The following KCNMB2 variants were observed in gnomAD, a reference collection of about 807,000 sequenced individuals.
KCNMB2 encodes calcium-activated potassium channel subunit beta-2.
KCNMB2 carries 9 observed loss-of-function variants against 24.5 expected under a neutral mutation model. The ratio of observed to expected loss-of-function variants is 0.37; its 90% CI spans 0.22 to 0.64. KCNMB2 has a LOEUF of 0.64. Ranked by LOEUF, KCNMB2 falls within the 30% of genes least tolerant of loss-of-function variation. KCNMB2 has a pLI of 0.63. For synonymous variants in KCNMB2, 109 were observed against 104.4 expected (o/e 1.04, Z -0.27); for missense variants, 226 against 284.3 (o/e 0.79, Z 1.47).
intron 3 of KCNMB2, among the ~76,000 whole-genome samples, chr3:178,826,241 C>T (rs768048734): frequency 6.6e-6 from 1 of 152,080 alleles, no homozygotes; most frequent in Non-Finnish European, 1.5e-5. Flanking sequence ...ACTGTATATT[C>T]CAATTTCCCC....
At chr3:178,569,351 A>G (rs1350920925) in intron 1 of KCNMB2, among the ~76,000 whole-genome samples, 2 of 152,160 alleles carry the variant, frequency 1.3e-5, no homozygotes, top group Non-Finnish European at 2.9e-5. Context: ...ATTCTAATTT[A>G]CCACCTCGGT....
chr3:178,543,435 C>T (rs183003059), intron 1 of KCNMB2, among the ~76,000 whole-genome samples: 29 of 152,332 alleles, frequency 1.9e-4, no homozygotes, highest in Admixed American at 1.8e-3. Flanking sequence ...CAGGTGAATG[C>T]ATGATCATAC....
chr3:178,762,401 T>C (rs1321572424), intron 1 of KCNMB2, among the ~76,000 whole-genome samples: 1 of 152,162 alleles, frequency 6.6e-6, no homozygotes, highest in African/African-American at 2.4e-5. Context: ...AGTGTGGCTA[T>C]ATCCCAGTAA....
chr3:178,577,365 G>T (rs993343036), intron 1 of KCNMB2, among the ~76,000 whole-genome samples: 4 of 152,098 alleles, frequency 2.6e-5, no homozygotes, highest in African/African-American at 9.7e-5. Flanking sequence ...CCATCCGAAG[G>T]TCACCAATAT....
At chr3:178,824,809 C>G (rs1473401584) in intron 2 of KCNMB2, 2 of 152,206 alleles carry the variant, frequency 1.3e-5, no homozygotes, top group Non-Finnish European at 2.9e-5. Context: ...ATTGATCACA[C>G]AGCTAACAAG....
At chr3:178,740,803 C>T (rs181165291) in intron 1 of KCNMB2, among the ~76,000 whole-genome samples, 1 of 152,292 alleles carries the variant, frequency 6.6e-6, no homozygotes, top group East Asian at 1.9e-4. Context: ...GGCTCTTTTG[C>T]ATACATTACC....
At chr3:178,576,219 T>C (rs1246400984) in intron 1 of KCNMB2, among the ~76,000 whole-genome samples, 1 of 151,784 alleles carries the variant, frequency 6.6e-6, no homozygotes, top group Non-Finnish European at 1.5e-5. Flanking sequence ...GGTGGGGCGT[T>C]GCCTCACCCA....
rs927072333 is a variant in KCNMB2, at chr3:178,645,247, T to A, written c.-68+108536T>A. Among the ~76,000 whole-genome samples, 74 of 151,848 alleles carry A rather than the reference T, an allele frequency of 4.9e-4. 1 individual carries two copies. Among genetic ancestry groups the A allele is most frequent in the African/African-American group, 1.8e-3 (73 of 41,370 alleles). On this transcript the variant is annotated intron_variant, in intron 1 of 4. Transcript: ENST00000452583. The stretch of plus-strand genomic sequence containing the variant: ...GTATTTTTAGTAGAGACGGGGTTTC[T>A]CCATGTTGGTCAGGTTGGTCTCGAA...
At chr3:178,546,094 G>C (rs1715763669) in intron 1 of KCNMB2, among the ~76,000 whole-genome samples, 1 of 152,152 alleles carries the variant, frequency 6.6e-6, no homozygotes, top group Non-Finnish European at 1.5e-5. Flanking sequence ...AAAGTTGACA[G>C]AGAAATAAAG....
chr3:178,659,215 G>GA (rs1720443645), intron 1 of KCNMB2, among the ~76,000 whole-genome samples: 1 of 152,232 alleles, frequency 6.6e-6, no homozygotes, highest in Admixed American at 6.5e-5. Context: ...ACTGCCAGGT[G>GA]AAAATCACAG....
chr3:178,746,820 T>G (rs1723685360), intron 1 of KCNMB2: 1 of 153,004 alleles, frequency 6.5e-6, no homozygotes, highest in Non-Finnish European at 1.5e-5. Flanking sequence ...TTTGCTCCAG[T>G]TCCCAACAAG....
chr3:178,704,022 C>G (rs1000817261), intron 1 of KCNMB2, among the ~76,000 whole-genome samples: 1 of 152,060 alleles, frequency 6.6e-6, no homozygotes, highest in East Asian at 1.9e-4. Flanking sequence ...CAATTGACAT[C>G]AGAACTTGGA....
chr3:178,837,487 C>A (rs1428695794), intron 4 of KCNMB2, among the ~76,000 whole-genome samples: 1 of 152,110 alleles, frequency 6.6e-6, no homozygotes, highest in Non-Finnish European at 1.5e-5. Flanking sequence ...AAGGACTTAT[C>A]AATAATAAAA....
intron 1 of KCNMB2, among the ~76,000 whole-genome samples, chr3:178,755,184 T>G (rs1433851948): frequency 6.6e-6 from 1 of 152,226 alleles, no homozygotes; most frequent in South Asian, 2.1e-4. Context: ...CAAGGAGACA[T>G]GCCTGTGCAT....
intron 1 of KCNMB2, among the ~76,000 whole-genome samples, chr3:178,629,397 G>A (rs1306305955): frequency 6.6e-6 from 1 of 152,188 alleles, no homozygotes; most frequent in Non-Finnish European, 1.5e-5. Context: ...GAGTGGTGAA[G>A]TGAAGGGCAA....
intron 1 of KCNMB2, among the ~76,000 whole-genome samples, chr3:178,684,364 G>A (rs1397303867): frequency 6.6e-6 from 1 of 150,812 alleles, no homozygotes; most frequent in Non-Finnish European, 1.5e-5. Context: ...ATGGGGAGAT[G>A]TAGATTGGAG....
intron 2 of KCNMB2, among the ~76,000 whole-genome samples, chr3:178,815,310 C>CT (rs1342496311): frequency 6.6e-6 from 1 of 151,698 alleles, no homozygotes; most frequent in African/African-American, 2.4e-5. Context: ...GGCTAATTTT[C>CT]TTTTTAGAGA....
At chr3:178,804,110 T>C (rs940504022) in intron 1 of KCNMB2, among the ~76,000 whole-genome samples, 11 of 152,230 alleles carry the variant, frequency 7.2e-5, no homozygotes, top group Non-Finnish European at 1.2e-4. Context: ...AACGCAGATC[T>C]CTGTTTTACG....
chr3:178,730,012 A>G (rs185815046), intron 1 of KCNMB2, among the ~76,000 whole-genome samples: 3 of 152,322 alleles, frequency 2.0e-5, no homozygotes, highest in African/African-American at 7.2e-5. Context: ...CACCATCTTC[A>G]TGGAAAAAAA....
Sources: allele counts gnomAD v4.1 joint callset (sites outside exome capture counted in the v4.1 genomes callset), GRCh38; gene constraint gnomAD v4.1.1; transcripts MANE v1.5; gene names NCBI Gene and HGNC (gene_info 2026-07-23, HGNC 2026-07-21).